DACH1: variants seen among roughly 807,000 people sequenced by gnomAD.
DACH1 encodes dachshund homolog 1.
Under a neutral mutation model 54.2 loss-of-function variants are expected in DACH1, and 12 were observed. The ratio of observed to expected loss-of-function variants is 0.22; its 90% CI spans 0.14 to 0.36. The LOEUF (loss-of-function observed/expected upper bound fraction) is 0.36. Among genes scored for constraint, DACH1 ranks in the 10% least tolerant of loss-of-function variants. DACH1 has a pLI of 1.00. For synonymous variants in DACH1, 386 were observed against 366.2 expected (o/e 1.05, Z -0.62); for missense variants, 805 against 929.8 (o/e 0.87, Z 1.75).
At chr13:71,581,256 G>C (rs1000618618) in intron 3 of DACH1, among the ~76,000 whole-genome samples, 4 of 152,006 alleles carry the variant, frequency 2.6e-5, no homozygotes, top group Non-Finnish European at 5.9e-5. Flanking sequence ...ACATGTATTT[G>C]CCTAATTATT....
intron 10 of DACH1, among the ~76,000 whole-genome samples, chr13:71,465,874 CTT>C (rs995095130): frequency 2.0e-5 from 3 of 152,116 alleles, no homozygotes; most frequent in African/African-American, 4.8e-5. Context: ...TTTTCTACCT[CTT>C]GTCTGATACT....
rs561420289 is a variant in DACH1 at position 71,703,479 on chromosome 13, A to G, written c.849-21569T>C. 5.3e-5 allele frequency among the ~76,000 whole-genome samples: 8 copies of G among 152,328 alleles called. No individual in the cohort carries two copies. In the South Asian group the frequency reaches 1.0e-3, roughly 20 times the overall value. ...CCTGATCAGCAGTCCTCAAATATAA[A>G]GAAATGGTTGTTGTCATAAGCCAGT... On this transcript the variant is annotated intron_variant, in intron 1 of 10. Coordinates refer to ENST00000613252, the MANE Select transcript of DACH1 (RefSeq NM_080759.6).
intron 6 of DACH1, among the ~76,000 whole-genome samples, chr13:71,552,583 G>A (rs1224334859): frequency 6.6e-6 from 1 of 151,340 alleles, no homozygotes; most frequent in Non-Finnish European, 1.5e-5. Flanking sequence ...GGACAAATGT[G>A]TGGAGGATAA....
intron 1 of DACH1, among the ~76,000 whole-genome samples, chr13:71,813,742 C>A (rs1427281520): frequency 1.3e-5 from 2 of 151,976 alleles, no homozygotes; most frequent in Non-Finnish European, 2.9e-5. Flanking sequence ...CATGTCATAT[C>A]AATATTTAAA....
In DACH1 at chr13:71,489,278, C is replaced by T. The variant is rs549906342; in HGVS notation, c.1571-130G>A. The T allele has an allele frequency of 1.4e-4, 132 of 973,604 alleles. No homozygotes were observed. The African/African-American group carries it at 2.1e-3, about 15-fold the overall frequency. 60.3% of individuals were successfully genotyped at this position (973,604 alleles called of 1,614,324 possible). A position where few individuals can be genotyped will look rare whatever the true frequency, so the allele number is the denominator to read the frequency against. On this transcript the variant is annotated intron_variant, in intron 6 of 10. Transcript: ENST00000613252. ...TGGTTCCTGCTATCAGGAGAAAATG[C>T]TTTCTGCTGAATTTTCTTTAATGAA... is the stretch of plus-strand genomic sequence containing the variant.
At chr13:71,758,900 T>G (rs928407520) in intron 1 of DACH1, among the ~76,000 whole-genome samples, 2 of 151,432 alleles carry the variant, frequency 1.3e-5, no homozygotes, top group Admixed American at 6.6e-5. Context: ...AAACTCCCCC[T>G]CCCTCGCATT....
At chr13:71,531,423 G>T (rs893598532) in intron 6 of DACH1, among the ~76,000 whole-genome samples, 98 of 152,070 alleles carry the variant, frequency 6.4e-4, no homozygotes, top group African/African-American at 2.4e-3. Context: ...TATGAGAATT[G>T]AAGAAAAACT....
chr13:71,836,442 C>CA, intron 1 of DACH1, among the ~76,000 whole-genome samples: 1 of 152,088 alleles, frequency 6.6e-6, no homozygotes, highest in South Asian at 2.1e-4. Context: ...CTACAATCCC[C>CA]AAGCCAGCAA....
At chr13:71,703,943 G>T (rs1221399309) in intron 1 of DACH1, among the ~76,000 whole-genome samples, 1 of 152,094 alleles carries the variant, frequency 6.6e-6, no homozygotes, top group Non-Finnish European at 1.5e-5. Flanking sequence ...AGGGGAAGAT[G>T]AATACAGGCC....
chr13:71,464,382 GTT>G (rs1297434739), intron 10 of DACH1, among the ~76,000 whole-genome samples: 21 of 151,900 alleles, frequency 1.4e-4, no homozygotes, highest in Admixed American at 6.6e-5. Context: ...AAAATAATAT[GTT>G]TGTTTTTCAG....
At chr13:71,654,421 A>T (rs1878917102) in intron 2 of DACH1, among the ~76,000 whole-genome samples, 1 of 133,022 alleles carries the variant, frequency 7.5e-6, no homozygotes, top group Admixed American at 8.1e-5. Context: ...AAATAAAATA[A>T]AATAAAATAA....
chr13:71,597,100 T>C (rs763142968), intron 3 of DACH1, among the ~76,000 whole-genome samples: 22 of 152,186 alleles, frequency 1.4e-4, no homozygotes, highest in Non-Finnish European at 2.9e-4. Context: ...AATGGTTTAC[T>C]TCTAAGAATT....
intron 1 of DACH1, among the ~76,000 whole-genome samples, chr13:71,807,254 A>C (rs573021736): frequency 6.6e-6 from 1 of 152,306 alleles, no homozygotes; most frequent in African/African-American, 2.4e-5. Flanking sequence ...GTTTATATCC[A>C]ACACAAAAAT....
intron 2 of DACH1, among the ~76,000 whole-genome samples, chr13:71,656,293 C>T (rs912479256): frequency 3.9e-5 from 6 of 152,180 alleles, no homozygotes; most frequent in Non-Finnish European, 8.8e-5. Context: ...TACTTCTATT[C>T]AGTCCAAACT....
chr13:71,765,608 G>T (rs1404153527), intron 1 of DACH1, among the ~76,000 whole-genome samples: 1 of 152,116 alleles, frequency 6.6e-6, no homozygotes, highest in African/African-American at 2.4e-5. Flanking sequence ...ATTATTATCT[G>T]GTTCCTGCCC....
intron 1 of DACH1, among the ~76,000 whole-genome samples, chr13:71,752,300 A>G (rs1039871599): frequency 9.2e-5 from 14 of 152,178 alleles, no homozygotes; most frequent in Non-Finnish European, 1.8e-4. Flanking sequence ...AGTTCTATTC[A>G]ACTGTTGATT....
chr13:71,683,875 T>G (rs1254592240), intron 1 of DACH1, among the ~76,000 whole-genome samples: 1 of 152,052 alleles, frequency 6.6e-6, no homozygotes, highest in Non-Finnish European at 1.5e-5. Flanking sequence ...GATGAATGCT[T>G]ATGTGCTGGA....
chr13:71,709,692 A>C (rs1882619282), intron 1 of DACH1, among the ~76,000 whole-genome samples: 1 of 152,192 alleles, frequency 6.6e-6, no homozygotes, highest in East Asian at 1.9e-4. Context: ...CTAACTTGTA[A>C]GTTAAATTTT....
At chr13:71,704,445 G>A in intron 1 of DACH1, 1 of 380,634 alleles carries the variant, frequency 2.6e-6, no homozygotes. Context: ...GAATTAATGT[G>A]CGTACTGAGT....
Sources: gnomAD v4.1 joint callset for allele counts (sites outside exome capture counted in the v4.1 genomes callset) on GRCh38, gnomAD v4.1.1 for gene constraint, MANE v1.5 for transcripts, NCBI Gene and HGNC (gene_info 2026-07-23, HGNC 2026-07-21) for gene names.